Variants in PLCXD3 observed in about 807,000 individuals in gnomAD.
The protein encoded by PLCXD3 is phosphatidylinositol specific phospholipase C X domain containing 3.
Under a neutral mutation model 25.5 loss-of-function variants are expected in PLCXD3, and 19 were observed. The ratio of observed to expected loss-of-function variants is 0.75; its 90% CI spans 0.52 to 1.09. The LOEUF (loss-of-function observed/expected upper bound fraction) is 1.09. PLCXD3 is among the 50% of genes least tolerant of loss of function. The pLI, the probability that PLCXD3 is intolerant of heterozygous loss-of-function variation, is 0.00. For missense variants in PLCXD3, 411 were observed against 388.1 expected, an observed-to-expected ratio of 1.06 and a Z score of -0.50; for synonymous variants, 174 against 137.6, an observed-to-expected ratio of 1.26 and a Z score of -1.85.
At chr5:41,354,091 C>T (rs181664550) in intron 2 of PLCXD3, among the ~76,000 whole-genome samples, 6 of 152,102 alleles carry the variant, frequency 3.9e-5, no homozygotes, top group Non-Finnish European at 8.8e-5. Context: ...TTCTTCTGCC[C>T]AAGCCTAAAA....
At chr5:41,502,520 G>T (rs1263750204) in intron 1 of PLCXD3, among the ~76,000 whole-genome samples, 1 of 152,090 alleles carries the variant, frequency 6.6e-6, no homozygotes, top group Non-Finnish European at 1.5e-5. Context: ...CAGTACAGAT[G>T]AAGTAGGAAG....
chr5:41,484,475 G>T (rs1357409062), intron 1 of PLCXD3, among the ~76,000 whole-genome samples: 1 of 152,044 alleles, frequency 6.6e-6, no homozygotes, highest in Admixed American at 6.6e-5. Context: ...TCAACATTTA[G>T]TAAGCAAATA....
At chr5:41,393,746 C>T (rs975317440) in intron 1 of PLCXD3, among the ~76,000 whole-genome samples, 4 of 151,758 alleles carry the variant, frequency 2.6e-5, no homozygotes, top group African/African-American at 9.7e-5. Flanking sequence ...GGTGAAACCC[C>T]GTCTCTACTA....
intron 1 of PLCXD3, among the ~76,000 whole-genome samples, chr5:41,399,586 C>A (rs1195108086): frequency 6.6e-6 from 1 of 152,038 alleles, no homozygotes; most frequent in South Asian, 2.1e-4. Flanking sequence ...CATGAGCATA[C>A]ACTGGGGAAA....
chr5:41,489,114 T>C (rs1748589705), intron 1 of PLCXD3, among the ~76,000 whole-genome samples: 1 of 152,142 alleles, frequency 6.6e-6, no homozygotes, highest in Non-Finnish European at 1.5e-5. Context: ...GTATAAGGTG[T>C]AAGGAAGGGA....
rs144259638 is a variant in PLCXD3, at chr5:41,479,310, T to A, written c.103+31114A>T. 3.3e-3 allele frequency among the ~76,000 whole-genome samples: 495 copies of A among 152,240 alleles called. 4 individuals are homozygous for A. The highest frequency in any genetic ancestry group is 0.011 in the African/African-American group (467 of 41,544). On this transcript the variant is annotated intron_variant, in intron 1 of 2. Coordinates refer to ENST00000377801, the MANE Select transcript of PLCXD3 (RefSeq NM_001005473.3). ...TTTATAGAGCCAGAAAGTAGAGTGA[T>A]GGTTGCCAGGGTCTAGGAGAGGGAA...
At chr5:41,375,561 G>A (rs538138920) in intron 2 of PLCXD3, among the ~76,000 whole-genome samples, 28 of 152,222 alleles carry the variant, frequency 1.8e-4, no homozygotes, top group African/African-American at 6.7e-4. Context: ...AAGGCAAGAA[G>A]GATTAAGCCC....
chr5:41,342,378 A>G (rs1744176705), intron 2 of PLCXD3, among the ~76,000 whole-genome samples: 1 of 152,148 alleles, frequency 6.6e-6, no homozygotes, highest in Non-Finnish European at 1.5e-5. Context: ...AAACCTGAAT[A>G]TATATTCAGG....
chr5:41,426,516 C>T (rs76799750), intron 1 of PLCXD3, among the ~76,000 whole-genome samples: 4,979 of 151,770 alleles, frequency 0.033, 110 homozygotes, highest in Non-Finnish European at 0.047. Context: ...TAGTCTTTAT[C>T]CTTCATATGT....
Position 41,407,845 on chromosome 5 carries a change from A to G in PLCXD3, c.104-25311T>C, listed in dbSNP as rs535431279. Reference sequence around the variant, plus strand: ...GTGATTTCTCTTTGGGCAAATCTGTATCTTTCATATTGTGTAAAGCCTCCT... The same window carrying G: ...GTGATTTCTCTTTGGGCAAATCTGTGTCTTTCATATTGTGTAAAGCCTCCT... On this transcript the variant is annotated intron_variant, in intron 1 of 2. Coordinates refer to ENST00000377801, the MANE Select transcript of PLCXD3 (RefSeq NM_001005473.3). Among the ~76,000 whole-genome samples, 250 of 152,340 alleles carry G rather than the reference A, an allele frequency of 1.6e-3. 2 individuals are homozygous for G. The highest frequency in any genetic ancestry group is 1.3e-3 in the Non-Finnish European group (91 of 68,024).
intron 1 of PLCXD3, among the ~76,000 whole-genome samples, chr5:41,491,266 A>G (rs1216376000): frequency 6.6e-6 from 1 of 152,136 alleles, no homozygotes; most frequent in East Asian, 1.9e-4. Flanking sequence ...CTTAATCCTG[A>G]GTTATAGTTT....
intron 1 of PLCXD3, among the ~76,000 whole-genome samples, chr5:41,417,163 C>T (rs1245753026): frequency 6.6e-6 from 1 of 152,210 alleles, no homozygotes; most frequent in Non-Finnish European, 1.5e-5. Flanking sequence ...AATCATAGGG[C>T]TCCCTACATG....
chr5:41,465,228 T>C (rs982097695), intron 1 of PLCXD3, among the ~76,000 whole-genome samples: 2 of 151,934 alleles, frequency 1.3e-5, no homozygotes, highest in African/African-American at 4.8e-5. Context: ...AAGACATCTG[T>C]GTAAATCCAC....
At chr5:41,464,789 T>G (rs1422491003) in intron 1 of PLCXD3, among the ~76,000 whole-genome samples, 2 of 152,072 alleles carry the variant, frequency 1.3e-5, no homozygotes, top group Non-Finnish European at 2.9e-5. Context: ...TCATAGCATA[T>G]GCGTGCTGGA....
intron 1 of PLCXD3, among the ~76,000 whole-genome samples, chr5:41,454,363 G>T (rs318078): frequency 0.014 from 2,142 of 152,032 alleles, 56 homozygotes; most frequent in African/African-American, 0.048. Context: ...AGATCTAAGT[G>T]CTGGCAGATT....
At chr5:41,343,661 C>T (rs1318187307) in intron 2 of PLCXD3, among the ~76,000 whole-genome samples, 3 of 151,992 alleles carry the variant, frequency 2.0e-5, no homozygotes, top group African/African-American at 4.8e-5. Flanking sequence ...AGACTGAGAA[C>T]GTTTGTAGTT....
intron 2 of PLCXD3, among the ~76,000 whole-genome samples, chr5:41,323,049 T>A (rs1428127400): frequency 6.6e-6 from 1 of 151,414 alleles, no homozygotes. Flanking sequence ...TAGAAAGGAA[T>A]AAGATTCAGT....
At position 41,424,843 on chromosome 5, in the gene PLCXD3, G is replaced by A. The variant is rs140177784; in HGVS notation, c.104-42309C>T. ...TGAGAAAAATGAGTGTCTTGATTTG[G>A]GGAAGCAGGATTTTGTATTCTATAT... On this transcript the variant is annotated intron_variant, in intron 1 of 2. Coordinates refer to ENST00000377801, the MANE Select transcript of PLCXD3 (RefSeq NM_001005473.3). Among the ~76,000 whole-genome samples the A allele has an allele frequency of 5.2e-3, 785 of 152,128 alleles. 7 individuals are homozygous for A. Among genetic ancestry groups the A allele is most frequent in the Non-Finnish European group, 8.1e-3 (548 of 67,988 alleles).
chr5:41,413,095 T>C (rs1364756373), intron 1 of PLCXD3, among the ~76,000 whole-genome samples: 1 of 152,232 alleles, frequency 6.6e-6, no homozygotes, highest in Non-Finnish European at 1.5e-5. Context: ...TTACACTTAC[T>C]AGAATTATAT....
Sources: gnomAD v4.1 joint callset for allele counts (sites outside exome capture counted in the v4.1 genomes callset) on GRCh38, gnomAD v4.1.1 for gene constraint, MANE v1.5 for transcripts, NCBI Gene and HGNC (gene_info 2026-07-23, HGNC 2026-07-21) for gene names.